The following GLI2 variants were observed in gnomAD, a reference collection of about 807,000 sequenced individuals.
The protein encoded by GLI2 is GLI family zinc finger 2.
GLI2 carries 22 observed loss-of-function variants against 78.9 expected under a neutral mutation model. The observed-to-expected ratio is 0.28, with a 90% CI of 0.20 to 0.40. GLI2 has a LOEUF of 0.40. Ranked by LOEUF, GLI2 falls within the 10% of genes least tolerant of loss-of-function variation. The pLI is 1.00. For missense variants in GLI2, 2,097 were observed against 2,213.2 expected (o/e 0.95, Z 1.05); for synonymous variants, 974 against 963.7 (o/e 1.01, Z -0.20).
At chr2:120,886,232 T>TTTTTGTTTTG (rs147636277) in intron 2 of GLI2, among the ~76,000 whole-genome samples, 83 of 143,242 alleles carry the variant, frequency 5.8e-4, no homozygotes, top group Admixed American at 1.5e-3. Context: ...TGGTTTTGGG[T>TTTTTGTTTTG]TTTTGTTTTG....
intron 2 of GLI2, among the ~76,000 whole-genome samples, chr2:120,841,559 GACT>G (rs1229543423): frequency 6.6e-6 from 1 of 152,236 alleles, no homozygotes; most frequent in East Asian, 1.9e-4. Context: ...CAAGAGTGAT[GACT>G]TCTTGACTAT....
intron 2 of GLI2, among the ~76,000 whole-genome samples, chr2:120,925,900 G>A (rs1188054830): frequency 9.2e-5 from 14 of 151,406 alleles, no homozygotes; most frequent in Admixed American, 2.6e-4. Context: ...GTGAAACCTC[G>A]TCTCTACTAA....
At position 120,990,069 on chromosome 2, in the gene GLI2, G is replaced by A. The variant is rs1219549467; in HGVS notation, c.4104G>A (p.Gly1368=). The A allele has an allele frequency of 6.2e-7, 1 of 1,600,226 alleles. No homozygotes were observed. The highest frequency in any genetic ancestry group is 8.5e-7 in the Non-Finnish European group (1 of 1,172,288). ...CCAGCCCCACTGGCCGCCACCGTGGGGTACGTGCTGTGCAGCAGCAGCTGG... is the reference window on the plus strand; with the variant it reads ...CCAGCCCCACTGGCCGCCACCGTGGAGTACGTGCTGTGCAGCAGCAGCTGG... ...LEPSPTGRHR[G]VRAVQQQLAY... is the part of the protein sequence containing the mutation. Residue 1368 remains glycine, a synonymous_variant, in exon 14 of 14, where the codon GGG becomes GGA. Coordinates refer to ENST00000361492, the MANE Select transcript of GLI2 (RefSeq NM_001374353.1).
At chr2:120,909,753 T>C (rs1289382980) in intron 2 of GLI2, among the ~76,000 whole-genome samples, 1 of 152,080 alleles carries the variant, frequency 6.6e-6, no homozygotes, top group Non-Finnish European at 1.5e-5. Context: ...TGGTCCCAGC[T>C]ACTCGGGAGG....
At chr2:120,802,250 A>G (rs918387361) in intron 2 of GLI2, among the ~76,000 whole-genome samples, 2 of 152,194 alleles carry the variant, frequency 1.3e-5, no homozygotes, top group Non-Finnish European at 2.9e-5. Context: ...AATATGCGTG[A>G]GAAATATATT....
chr2:120,972,603 T>G, intron 8 of GLI2: 1 of 517,620 alleles, frequency 1.9e-6, no homozygotes, highest in South Asian at 1.4e-5. Flanking sequence ...CTGTCTGCAC[T>G]CTAAGCTTTG....
At chr2:120,921,786 C>T (rs1049754337) in intron 2 of GLI2, among the ~76,000 whole-genome samples, 2 of 152,164 alleles carry the variant, frequency 1.3e-5, no homozygotes, top group Non-Finnish European at 2.9e-5. Context: ...GAAAAAAATC[C>T]CAAGGTTCTT....
At chr2:120,867,292 C>T (rs1688186140) in intron 2 of GLI2, 1 of 152,230 alleles carries the variant, frequency 6.6e-6, no homozygotes, top group Admixed American at 6.5e-5. Context: ...TCATGCGGGC[C>T]CTAGTCTGAG....
chr2:120,973,840 C>T (rs1682316214), intron 8 of GLI2, among the ~76,000 whole-genome samples: 1 of 152,102 alleles, frequency 6.6e-6, no homozygotes, highest in African/African-American at 2.4e-5. Flanking sequence ...TATGGAAAGT[C>T]AGGTGGAGTT....
At chr2:120,806,183 G>C (rs923444920) in intron 2 of GLI2, among the ~76,000 whole-genome samples, 1 of 152,114 alleles carries the variant, frequency 6.6e-6, no homozygotes, top group Non-Finnish European at 1.5e-5. Context: ...TTTATTTTAT[G>C]TTTGTGGCCA....
intron 4 of GLI2, among the ~76,000 whole-genome samples, chr2:120,952,849 G>A (rs1378453454): frequency 6.6e-6 from 1 of 152,224 alleles, no homozygotes. Flanking sequence ...TTATAGGTGT[G>A]AGCCACCATG....
chr2:120,818,762 T>G (rs1685626400), intron 2 of GLI2, among the ~76,000 whole-genome samples: 1 of 152,192 alleles, frequency 6.6e-6, no homozygotes, highest in African/African-American at 2.4e-5. Context: ...GTCAATTCTG[T>G]TTCATTCAAA....
chr2:120,751,283 T>TG (rs1682864565), intron 1 of GLI2, among the ~76,000 whole-genome samples: 1 of 152,228 alleles, frequency 6.6e-6, no homozygotes. Flanking sequence ...TTTTATCTTT[T>TG]GGGCCTGTTT....
At chr2:120,824,956 C>T (rs966130737) in intron 2 of GLI2, among the ~76,000 whole-genome samples, 2 of 152,194 alleles carry the variant, frequency 1.3e-5, no homozygotes, top group Non-Finnish European at 2.9e-5. Context: ...CCACCTCACC[C>T]TCCCAAGTAG....
intron 2 of GLI2, among the ~76,000 whole-genome samples, chr2:120,919,683 A>G (rs974662717): frequency 3.9e-5 from 6 of 152,122 alleles, no homozygotes; most frequent in Non-Finnish European, 5.9e-5. Flanking sequence ...AATCCCTGGA[A>G]CCCTCCACAG....
intron 1 of GLI2, among the ~76,000 whole-genome samples, chr2:120,784,759 T>G (rs1483509131): frequency 6.6e-6 from 1 of 152,138 alleles, no homozygotes; most frequent in Non-Finnish European, 1.5e-5. Flanking sequence ...CCTTTGAAAA[T>G]GCTCACTCAT....
chr2:120,843,106 C>T (rs773499925), intron 2 of GLI2, among the ~76,000 whole-genome samples: 3 of 152,204 alleles, frequency 2.0e-5, no homozygotes, highest in African/African-American at 4.8e-5. Flanking sequence ...GCTGTGTGTA[C>T]GGGAAGGTGC....
At chr2:120,944,875 A>G (rs1435547776) in intron 3 of GLI2, among the ~76,000 whole-genome samples, 1 of 152,280 alleles carries the variant, frequency 6.6e-6, no homozygotes, top group African/African-American at 2.4e-5. Flanking sequence ...TGTCAGCAGC[A>G]GCAGCATCCC....
chr2:120,930,324 A>C (rs1679889651), intron 3 of GLI2, among the ~76,000 whole-genome samples: 1 of 152,234 alleles, frequency 6.6e-6, no homozygotes, highest in Admixed American at 6.5e-5. Context: ...TCAACAACCC[A>C]AAAAAGAGTC....
Sources: gnomAD v4.1 joint callset for allele counts (sites outside exome capture counted in the v4.1 genomes callset) on GRCh38, gnomAD v4.1.1 for gene constraint, MANE v1.5 for transcripts, NCBI Gene and HGNC (gene_info 2026-07-23, HGNC 2026-07-21) for gene names.